Variants in NCAPD3 observed in about 807,000 individuals in gnomAD.
The protein encoded by NCAPD3 is non-SMC condensin II complex subunit D3.
In NCAPD3, 105 loss-of-function variants were observed where a neutral mutation model predicts 182.9. That is an observed-to-expected ratio of 0.57 (90% CI 0.49 to 0.68). The LOEUF (loss-of-function observed/expected upper bound fraction) is 0.68. NCAPD3 is among the 30% of genes least tolerant of loss of function. The probability of loss-of-function intolerance (pLI) is 0.00; values close to 1 mark genes in which losing one functional copy is unlikely to be tolerated. For missense variants in NCAPD3, 1,944 were observed against 1,837.0 expected, an observed-to-expected ratio of 1.06 and a Z score of -1.07; for synonymous variants, 815 against 679.9, an observed-to-expected ratio of 1.20 and a Z score of -3.09.
rs900593844 is a variant in NCAPD3 at position 134,152,178 on chromosome 11, G to C, written c.*766C>G. Among the ~76,000 whole-genome samples the C allele has an allele frequency of 7.9e-5, 12 of 152,250 alleles. No individual in the cohort carries two copies. The highest frequency in any genetic ancestry group is 2.7e-4 in the African/African-American group (11 of 41,470). On this transcript the variant is annotated 3_prime_UTR_variant, in exon 35 of 35. Coordinates refer to ENST00000534548, the MANE Select transcript of NCAPD3 (RefSeq NM_015261.3). Reference sequence around the variant, plus strand: ...CATCATGGGAGCAGCCCTTAACAGAGGGCTGCACAAATCGGCAGTGCTGCT... The same window carrying C: ...CATCATGGGAGCAGCCCTTAACAGACGGCTGCACAAATCGGCAGTGCTGCT...
intron 16 of NCAPD3, among the ~76,000 whole-genome samples, chr11:134,188,452 G>C (rs1944457456): frequency 6.6e-6 from 1 of 152,210 alleles, no homozygotes; most frequent in Non-Finnish European, 1.5e-5. Context: ...CGCTGTGGAA[G>C]CTTTGTTCTT....
chr11:134,169,874 A>G (rs1035771180), intron 24 of NCAPD3, among the ~76,000 whole-genome samples: 1 of 152,224 alleles, frequency 6.6e-6, no homozygotes, highest in African/African-American at 2.4e-5. Context: ...TCACACTGTC[A>G]AGACCAGTGT....
rs1039352798 is a variant in NCAPD3, at chr11:134,177,269, C to A, written c.2971G>T (p.Asp991Tyr). Reference sequence around the variant, plus strand: ...AGTGTCTGCTTCCGGATGAATGGGTCGGAATCCTTCAGACACATGGAGATG... The same window carrying A: ...AGTGTCTGCTTCCGGATGAATGGGTAGGAATCCTTCAGACACATGGAGATG... ...PNISMCLKDS[D>Y]PFIRKQTLIL... Residue 991 changes from aspartate to tyrosine, a missense_variant, in exon 23 of 35, where the codon GAC becomes TAC. Asp to Tyr is a radical substitution (Grantham distance 160). Transcript: ENST00000534548. The A allele has an allele frequency of 8.1e-6, 13 of 1,614,184 alleles. No individual in the cohort carries two copies. The highest frequency in any genetic ancestry group is 2.2e-5 in the East Asian group (1 of 44,880).
At chr11:134,181,244 A>T (rs112856441) in intron 19 of NCAPD3, 60 bp from the exon 20 acceptor site, 7 of 1,093,098 alleles carry the variant, frequency 6.4e-6, no homozygotes, top group African/African-American at 4.6e-5. Context: ...CTACCCATGA[A>T]ACACCATGTT....
intron 32 of NCAPD3, among the ~76,000 whole-genome samples, chr11:134,155,871 G>C (rs964977056): frequency 3.4e-5 from 5 of 148,202 alleles, no homozygotes; most frequent in African/African-American, 9.9e-5. Context: ...GGGTGGGGGT[G>C]GGATAAACTC....
chr11:134,170,609 G>A (rs1943983772), intron 24 of NCAPD3, among the ~76,000 whole-genome samples: 2 of 152,226 alleles, frequency 1.3e-5, no homozygotes, highest in African/African-American at 4.8e-5. Flanking sequence ...ACAAGAAGAG[G>A]GTTCCCTCTG....
intron 23 of NCAPD3, among the ~76,000 whole-genome samples, 180 bp downstream of exon 23, chr11:134,177,039 C>G (rs951227830): frequency 5.3e-5 from 8 of 152,222 alleles, no homozygotes; most frequent in Non-Finnish European, 1.0e-4. Flanking sequence ...TGAACATTCA[C>G]AAGTAACGCC....
intron 4 of NCAPD3, among the ~76,000 whole-genome samples, chr11:134,209,991 G>A (rs1316977565): frequency 2.0e-5 from 3 of 152,216 alleles, no homozygotes; most frequent in African/African-American, 7.2e-5. Context: ...ATGAGGTGGA[G>A]GTTGCAGTGA....
intron 31 of NCAPD3, 55 bp downstream of exon 31, chr11:134,157,873 C>G: frequency 1.3e-6 from 2 of 1,536,610 alleles, no homozygotes; most frequent in Non-Finnish European, 1.8e-6. Context: ...GTAGCTTGTT[C>G]TGTGTTTTCA....
At chr11:134,166,803 T>C (rs1943827561) in intron 27 of NCAPD3, among the ~76,000 whole-genome samples, 2 of 74,990 alleles carry the variant, frequency 2.7e-5, no homozygotes, top group African/African-American at 5.9e-5. Context: ...GAGAGGAGCT[T>C]AGGGGAGCTG....
At chr11:134,211,206 T>A (rs1052588897) in intron 3 of NCAPD3, among the ~76,000 whole-genome samples, 2 of 152,206 alleles carry the variant, frequency 1.3e-5, no homozygotes, top group African/African-American at 4.8e-5. Flanking sequence ...CGATATAGCA[T>A]AAAGGCTACT....
intron 16 of NCAPD3, among the ~76,000 whole-genome samples, chr11:134,187,017 G>T (rs1944421980): frequency 6.6e-6 from 1 of 152,092 alleles, no homozygotes; most frequent in African/African-American, 2.4e-5. Flanking sequence ...ACAGAATTGG[G>T]AAAAAATCCT....
At chr11:134,167,845 TGGG>T (rs565592280) in intron 27 of NCAPD3, 148 bp downstream of exon 27, 39 of 729,104 alleles carry the variant, frequency 5.3e-5, no homozygotes, top group South Asian at 2.1e-4. Context: ...GAGATGAGCT[TGGG>T]GGAGCAGCAC....
intron 1 of NCAPD3, among the ~76,000 whole-genome samples, chr11:134,220,988 T>C (rs954796961): frequency 2.6e-5 from 4 of 152,254 alleles, no homozygotes; most frequent in Non-Finnish European, 5.9e-5. Context: ...ACAAGAGTTT[T>C]GGGAAAGGAC....
intron 8 of NCAPD3, among the ~76,000 whole-genome samples, 161 bp from the exon 9 acceptor site, chr11:134,205,132 G>A (rs1036176510): frequency 1.3e-5 from 2 of 152,202 alleles, no homozygotes; most frequent in African/African-American, 2.4e-5. Context: ...AAATGTCATC[G>A]TAGAAAACTG....
chr11:134,209,583 T>C (rs1937749423), intron 4 of NCAPD3, 106 bp from the exon 5 acceptor site: 1 of 1,077,312 alleles, frequency 9.3e-7, no homozygotes, highest in African/African-American at 1.6e-5. Context: ...AGGCAGGAGC[T>C]GATGTTGAGG....
chr11:134,178,822 A>G lies in NCAPD3; in HGVS notation c.2674T>C (p.Ser892Pro). The G allele has an allele frequency of 6.2e-7, 1 of 1,614,060 alleles. No individual in the cohort carries two copies. The change falls in exon 21 of 35, where the codon TCA (serine) becomes CCA (proline). Residue 892 changes from serine to proline, a missense_variant and splice_region_variant. Ser to Pro is a moderately conservative substitution (Grantham distance 74, BLOSUM62 -1). Around this residue, in one of 3 missense-constraint regions of NCAPD3, gnomAD observed 1,803 missense variants for 1,674.6 expected, o/e 1.08. Coordinates refer to ENST00000534548, the MANE Select transcript of NCAPD3 (RefSeq NM_015261.3). ...VLASSADADHSPSSQGSSEAP... is the reference protein window; with the variant it reads ...VLASSADADHPPSSQGSSEAP... The stretch of plus-strand genomic sequence containing the variant: ...CAGAGTATGATTTCAAATGCCTTAC[A>G]GTGGTCAGCATCAGCAGACGAAGCC...
chr11:134,182,072 C>T (rs1451603473), intron 19 of NCAPD3, among the ~76,000 whole-genome samples: 1 of 152,172 alleles, frequency 6.6e-6, no homozygotes, highest in Non-Finnish European at 1.5e-5. Context: ...TAATAGATTG[C>T]ACAACCTGGA....
intron 27 of NCAPD3, among the ~76,000 whole-genome samples, chr11:134,165,727 T>C (rs1359683830): frequency 1.6e-5 from 2 of 126,478 alleles, no homozygotes; most frequent in Non-Finnish European, 3.2e-5. Flanking sequence ...GAGATGAGCT[T>C]AGGGGAGCTG....
Sources: gnomAD v4.1 joint callset for allele counts (sites outside exome capture counted in the v4.1 genomes callset) on GRCh38, gnomAD v4.1.1 for gene constraint, gnomAD v4.1.1 regional missense constraint, MANE v1.5 for transcripts, NCBI Gene and HGNC (gene_info 2026-07-23, HGNC 2026-07-21) for gene names.